GRID2: variants seen among roughly 807,000 people sequenced by gnomAD.
The protein encoded by GRID2 is glutamate ionotropic receptor delta type subunit 2.
A neutral mutation model predicts 114.8 loss-of-function variants in GRID2; 33 were observed. The observed-to-expected ratio is 0.29, with a 90% CI of 0.22 to 0.38. The LOEUF (loss-of-function observed/expected upper bound fraction) is 0.38, where lower values mean the gene tolerates loss of function less well. Among genes scored for constraint, GRID2 ranks in the 10% least tolerant of loss-of-function variants. The pLI is 1.00. For synonymous variants in GRID2, 505 were observed against 449.9 expected, an observed-to-expected ratio of 1.12 and a Z score of -1.55; for missense variants, 1,184 against 1,257.7, an observed-to-expected ratio of 0.94 and a Z score of 0.89.
At chr4:92,939,419 T>A (rs1344890148) in intron 2 of GRID2, among the ~76,000 whole-genome samples, 1 of 147,474 alleles carries the variant, frequency 6.8e-6, no homozygotes, top group Non-Finnish European at 1.5e-5. Context: ...GTTGTTTGTT[T>A]TTTTCTTGTA....
intron 13 of GRID2, among the ~76,000 whole-genome samples, chr4:93,602,327 C>T (rs1250944093): frequency 6.6e-6 from 1 of 152,020 alleles, no homozygotes; most frequent in African/African-American, 2.4e-5. Context: ...AGTTGTCTGC[C>T]CTAAAGCTGC....
intron 2 of GRID2, among the ~76,000 whole-genome samples, chr4:92,854,335 A>G (rs567031710): frequency 1.1e-4 from 16 of 152,136 alleles, no homozygotes; most frequent in African/African-American, 3.9e-4. Context: ...AAAACATATA[A>G]CTGTCTTCTT....
At chr4:92,657,183 A>G (rs1732284105) in intron 2 of GRID2, among the ~76,000 whole-genome samples, 1 of 151,716 alleles carries the variant, frequency 6.6e-6, no homozygotes, top group South Asian at 2.1e-4. Context: ...GTGGTGAAAG[A>G]AGGCTCCAGG....
intron 2 of GRID2, among the ~76,000 whole-genome samples, chr4:93,081,542 A>G (rs1367523374): frequency 6.6e-6 from 1 of 152,166 alleles, no homozygotes; most frequent in African/African-American, 2.4e-5. Context: ...TGCTTTTGGC[A>G]GTTAGTGCAG....
At chr4:92,612,563 G>A (rs546954655) in intron 2 of GRID2, among the ~76,000 whole-genome samples, 1 of 151,248 alleles carries the variant, frequency 6.6e-6, no homozygotes, top group South Asian at 2.1e-4. Context: ...TAACAATATT[G>A]AGTATTTCAA....
chr4:93,720,647 A>AACACC (rs1250589556), intron 14 of GRID2, among the ~76,000 whole-genome samples: 1 of 152,210 alleles, frequency 6.6e-6, no homozygotes, highest in Non-Finnish European at 1.5e-5. Flanking sequence ...GCAAACTCCA[A>AACACC]ACACCTTCTT....
Position 92,803,548 on chromosome 4 carries a change from C to G in GRID2, c.244+213262C>G, listed in dbSNP as rs538242477. On this transcript the variant is annotated intron_variant, in intron 2 of 15. Transcript: ENST00000282020. ...ATAAAAAAATGTATTTCTAGAAATT[C>G]AGGTACCCCATCAACCAATCTTTGT... Among the ~76,000 whole-genome samples the G allele has an allele frequency of 2.0e-5, 3 of 152,032 alleles. No individual in the cohort carries two copies. In the Middle Eastern group the frequency reaches 0.01, roughly 517 times the overall value.
At chr4:92,845,557 G>T (rs1299627515) in intron 2 of GRID2, among the ~76,000 whole-genome samples, 1 of 151,974 alleles carries the variant, frequency 6.6e-6, no homozygotes, top group East Asian at 1.9e-4. Flanking sequence ...AAAAAACATA[G>T]TAAATATACC....
At chr4:93,654,820 T>C (rs1448206873) in intron 14 of GRID2, among the ~76,000 whole-genome samples, 1 of 152,112 alleles carries the variant, frequency 6.6e-6, no homozygotes, top group Non-Finnish European at 1.5e-5. Flanking sequence ...ATCACATACT[T>C]CCTTTCCAGT....
intron 14 of GRID2, among the ~76,000 whole-genome samples, chr4:93,747,124 C>T (rs1421201387): frequency 1.3e-5 from 2 of 152,172 alleles, no homozygotes; most frequent in East Asian, 1.9e-4. Flanking sequence ...TCCTCTTATT[C>T]CACCGAAACA....
intron 2 of GRID2, among the ~76,000 whole-genome samples, chr4:92,647,857 T>C (rs923329324): frequency 6.7e-6 from 1 of 149,900 alleles, no homozygotes; most frequent in Non-Finnish European, 1.5e-5. Flanking sequence ...AAATGTTCCT[T>C]ATCTATAAAT....
At chr4:92,367,601 G>A (rs1168660254) in intron 1 of GRID2, among the ~76,000 whole-genome samples, 2 of 152,184 alleles carry the variant, frequency 1.3e-5, no homozygotes, top group Non-Finnish European at 2.9e-5. Flanking sequence ...GCATTGGGCA[G>A]AAAGGGCAAG....
chr4:93,560,485 AACTC>A (rs1379491096), intron 13 of GRID2, among the ~76,000 whole-genome samples: 2 of 152,018 alleles, frequency 1.3e-5, no homozygotes. Context: ...ATCTCATGTG[AACTC>A]ACTCATCACC....
intron 4 of GRID2, among the ~76,000 whole-genome samples, chr4:93,138,346 C>T (rs1735458337): frequency 6.6e-6 from 1 of 152,010 alleles, no homozygotes; most frequent in Non-Finnish European, 1.5e-5. Context: ...AATCTACACA[C>T]CTAAGAATAT....
chr4:92,482,017 T>C (rs1354210558), intron 1 of GRID2, among the ~76,000 whole-genome samples: 1 of 70,144 alleles, frequency 1.4e-5, no homozygotes, highest in African/African-American at 4.1e-5. Flanking sequence ...TATATATATA[T>C]ATATATATAT....
At chr4:92,952,088 C>G (rs567957905) in intron 2 of GRID2, among the ~76,000 whole-genome samples, 2 of 152,224 alleles carry the variant, frequency 1.3e-5, no homozygotes, top group South Asian at 4.1e-4. Context: ...ATTGTTTGAT[C>G]AAAGGGTAAA....
chr4:93,032,815 A>G (rs1049196923), intron 2 of GRID2, among the ~76,000 whole-genome samples: 1 of 152,188 alleles, frequency 6.6e-6, no homozygotes, highest in African/African-American at 2.4e-5. Context: ...GACCCCAAAC[A>G]ATCAAGCAAT....
At chr4:92,393,662 T>A (rs1448968156) in intron 1 of GRID2, among the ~76,000 whole-genome samples, 3 of 152,180 alleles carry the variant, frequency 2.0e-5, no homozygotes, top group Non-Finnish European at 4.4e-5. Context: ...ATTTGACTAA[T>A]TCCTGGCTAC....
intron 1 of GRID2, among the ~76,000 whole-genome samples, chr4:92,460,043 T>TATAC (rs1721412508): frequency 1.7e-5 from 2 of 115,836 alleles, no homozygotes; most frequent in African/African-American, 6.7e-5. Context: ...TATATATATA[T>TATAC]ATATATATAT....
Sources: gnomAD v4.1 joint callset for allele counts (sites outside exome capture counted in the v4.1 genomes callset) on GRCh38, gnomAD v4.1.1 for gene constraint, MANE v1.5 for transcripts, NCBI Gene and HGNC (gene_info 2026-07-23, HGNC 2026-07-21) for gene names.